Variants in MGAT4C observed in about 807,000 individuals in gnomAD.
The protein encoded by MGAT4C is MGAT4 family member C, also known as alpha-1,3-mannosyl-glycoprotein 4-beta-N-acetylglucosaminyltransferase C.
In MGAT4C, 19 loss-of-function variants were observed where a neutral mutation model predicts 40.1. The ratio of observed to expected loss-of-function variants is 0.47; its 90% CI spans 0.33 to 0.70. The LOEUF (loss-of-function observed/expected upper bound fraction) is 0.70. Among genes scored for constraint, MGAT4C ranks in the 30% least tolerant of loss-of-function variants. The pLI, the probability that MGAT4C is intolerant of heterozygous loss-of-function variation, is 0.02. For synonymous variants in MGAT4C, 181 were observed against 187.1 expected, an observed-to-expected ratio of 0.97 and a Z score of 0.27; for missense variants, 491 against 563.2, an observed-to-expected ratio of 0.87 and a Z score of 1.30.
At chr12:86,783,892 G>A (rs1183994457) in intron 1 of MGAT4C, among the ~76,000 whole-genome samples, 3 of 152,092 alleles carry the variant, frequency 2.0e-5, no homozygotes, top group Admixed American at 2.0e-4. Context: ...CTTACTATGG[G>A]TGGAAGACTT....
chr12:86,604,062 C>T (rs931296173), intron 2 of MGAT4C, among the ~76,000 whole-genome samples: 1 of 151,714 alleles, frequency 6.6e-6, no homozygotes, highest in Non-Finnish European at 1.5e-5. Context: ...AGAAGAGTTG[C>T]TGTAGTTGTG....
chr12:86,747,522 T>A (rs942460195), intron 1 of MGAT4C, among the ~76,000 whole-genome samples: 1 of 151,632 alleles, frequency 6.6e-6, no homozygotes, highest in Non-Finnish European at 1.5e-5. Context: ...TTGTCCTAAA[T>A]TGGATGAAAC....
chr12:86,707,523 CTTTTCT>C (rs1279509581), intron 2 of MGAT4C, among the ~76,000 whole-genome samples: 123 of 144,938 alleles, frequency 8.5e-4, no homozygotes, highest in African/African-American at 2.9e-3. Context: ...AGGAATTTTT[CTTTTCT>C]TTTTTTTTTT....
intron 3 of MGAT4C, among the ~76,000 whole-genome samples, chr12:86,337,070 T>C (rs1053004022): frequency 1.3e-5 from 2 of 152,106 alleles, no homozygotes; most frequent in African/African-American, 4.8e-5. Context: ...TAAAGGGAAT[T>C]GTACCTAAAA....
intron 2 of MGAT4C, among the ~76,000 whole-genome samples, chr12:86,604,870 A>G (rs1191088985): frequency 2.0e-5 from 3 of 152,186 alleles, no homozygotes; most frequent in Admixed American, 6.5e-5. Flanking sequence ...TTTGAAGGTC[A>G]TAAGACTCTA....
At position 86,656,343 on chromosome 12, in the gene MGAT4C, A is replaced by T. The variant is rs560940523; in HGVS notation, c.-229+70866T>A. Among the ~76,000 whole-genome samples the T allele has an allele frequency of 1.4e-3, 207 of 152,166 alleles. 1 individual carries two copies. Among genetic ancestry groups the T allele is most frequent in the African/African-American group, 4.8e-3 (201 of 41,552 alleles). Reference sequence around the variant, plus strand: ...TAAAAACATTTTGAAAAAAACAAGTATACACCTAATTTGTGTATTTTAGAG... The same window carrying T: ...TAAAAACATTTTGAAAAAAACAAGTTTACACCTAATTTGTGTATTTTAGAG... On this transcript the variant is annotated intron_variant, in intron 2 of 7. Transcript: ENST00000548651.
At chr12:86,173,742 T>A (rs188854530) in intron 1 of MGAT4C, among the ~76,000 whole-genome samples, 6 of 152,106 alleles carry the variant, frequency 3.9e-5, no homozygotes, top group Admixed American at 3.9e-4. Flanking sequence ...TGGGATAAAT[T>A]TTTTGTAAAT....
chr12:86,816,918 A>G (rs1209714314), intron 1 of MGAT4C, among the ~76,000 whole-genome samples: 1 of 150,812 alleles, frequency 6.6e-6, no homozygotes, highest in African/African-American at 2.4e-5. Flanking sequence ...TAATAATTTG[A>G]TATTACTTTA....
chr12:86,342,586 T>A (rs1489132875), intron 3 of MGAT4C, among the ~76,000 whole-genome samples: 1 of 152,068 alleles, frequency 6.6e-6, no homozygotes, highest in East Asian at 1.9e-4. Context: ...GCTCCATGGC[T>A]CATCACCACG....
At chr12:86,830,009 G>T (rs915122092) in intron 1 of MGAT4C, among the ~76,000 whole-genome samples, 7 of 151,370 alleles carry the variant, frequency 4.6e-5, no homozygotes, top group African/African-American at 1.7e-4. Flanking sequence ...AAAATGGTTT[G>T]TTACTGAATT....
chr12:86,373,302 GT>G (rs1329271258), intron 3 of MGAT4C, among the ~76,000 whole-genome samples: 1 of 151,836 alleles, frequency 6.6e-6, no homozygotes, highest in Non-Finnish European at 1.5e-5. Context: ...TTTAAACTTT[GT>G]TTAACAAAAC....
intron 4 of MGAT4C, among the ~76,000 whole-genome samples, chr12:86,275,024 A>G (rs1953037779): frequency 1.3e-5 from 2 of 152,234 alleles, no homozygotes; most frequent in Non-Finnish European, 2.9e-5. Context: ...GGTTTTGGGA[A>G]ACTGAAGTTG....
At chr12:86,650,929 T>G (rs1236685203) in intron 2 of MGAT4C, among the ~76,000 whole-genome samples, 7 of 151,890 alleles carry the variant, frequency 4.6e-5, no homozygotes, top group African/African-American at 1.7e-4. Flanking sequence ...GACTAGATGT[T>G]TTTATAGGAG....
In MGAT4C at chr12:86,684,021, T is replaced by C. The variant is rs1467104931; in HGVS notation, c.-229+43188A>G. On this transcript the variant is annotated intron_variant, in intron 2 of 7. Coordinates refer to the MGAT4C transcript ENST00000548651. ...TTTGAGTGGAATTATTTTTAAACAA[T>C]TTCCTAATTTCTTTCTATCTACACC... Among the ~76,000 whole-genome samples the C allele has an allele frequency of 3.3e-5, 5 of 151,916 alleles. No individual in the cohort carries two copies. In the East Asian group the frequency reaches 7.7e-4, roughly 24 times the overall value.
chr12:86,835,090 T>G (rs1953009635), intron 1 of MGAT4C, among the ~76,000 whole-genome samples: 1 of 150,992 alleles, frequency 6.6e-6, no homozygotes, highest in Non-Finnish European at 1.5e-5. Context: ...TTTCCAAATA[T>G]CAATACAAAA....
chr12:86,233,689 T>C (rs1241000011), intron 1 of MGAT4C, among the ~76,000 whole-genome samples: 5 of 152,186 alleles, frequency 3.3e-5, no homozygotes, highest in East Asian at 3.8e-4. Context: ...ATTCCCTTTC[T>C]AAATAGGTAT....
chr12:86,728,144 G>T (rs1479712784), intron 1 of MGAT4C, among the ~76,000 whole-genome samples: 1 of 152,118 alleles, frequency 6.6e-6, no homozygotes, highest in African/African-American at 2.4e-5. Flanking sequence ...CGCAATAAAT[G>T]AGAAAAGTTT....
intron 3 of MGAT4C, among the ~76,000 whole-genome samples, chr12:86,345,166 C>G (rs550344511): frequency 6.6e-6 from 1 of 152,204 alleles, no homozygotes; most frequent in South Asian, 2.1e-4. Context: ...ATACATAAAG[C>G]TGTGACTGAC....
At chr12:86,516,625 T>C (rs1427742275) in intron 2 of MGAT4C, among the ~76,000 whole-genome samples, 2 of 152,132 alleles carry the variant, frequency 1.3e-5, no homozygotes, top group Admixed American at 6.6e-5. Flanking sequence ...AACTGTACTT[T>C]ATAAAAATTA....
Sources: allele counts gnomAD v4.1 joint callset (sites outside exome capture counted in the v4.1 genomes callset), GRCh38; gene constraint gnomAD v4.1.1; transcripts MANE v1.5; gene names NCBI Gene and HGNC (gene_info 2026-07-23, HGNC 2026-07-21).